Variants in RNF220 observed in about 807,000 individuals in gnomAD.
RNF220 encodes the protein E3 ubiquitin-protein ligase RNF220.
RNF220 carries 7 observed loss-of-function variants against 67.1 expected under a neutral mutation model. That is an observed-to-expected ratio of 0.10 (90% CI 0.06 to 0.20). The LOEUF (loss-of-function observed/expected upper bound fraction) is 0.20, where lower values mean the gene tolerates loss of function less well. Among genes scored for constraint, RNF220 ranks in the 10% least tolerant of loss-of-function variants. The pLI, the probability that RNF220 is intolerant of heterozygous loss-of-function variation, is 1.00. For synonymous variants in RNF220, 270 were observed against 283.2 expected (o/e 0.95, Z 0.47); for missense variants, 565 against 740.3 (o/e 0.76, Z 2.75).
intron 2 of RNF220, among the ~76,000 whole-genome samples, chr1:44,562,740 T>C (rs1379529336): frequency 1.3e-5 from 2 of 152,170 alleles, no homozygotes; most frequent in African/African-American, 4.8e-5. Flanking sequence ...TCGAGGGCTC[T>C]TTGGAAATTG....
Position 44,412,230 on chromosome 1 carries a change from C to T in RNF220, c.133C>T (p.Pro45Ser). The change falls in exon 2 of 15, where the codon CCA becomes TCA. Residue 45 changes from proline to serine, a missense_variant. Coordinates refer to ENST00000361799, the MANE Select transcript of RNF220 (RefSeq NM_018150.4). This position sits in a 1 kb window ranked among gnomAD's most constrained non-coding sequence, Gnocchi z 5.3. ...SRDASIPCQQ[P>S]RPFGVPVSVD... ...TGATGCTTCCATCCCTTGTCAGCAG[C>T]CACGACCCTTTGGTGTACCTGTCTC... 6.2e-7 allele frequency: 1 copy of T among 1,614,218 alleles called. No individual in the cohort carries two copies. Among genetic ancestry groups the T allele is most frequent in the East Asian group, 2.2e-5 (1 of 44,868 alleles).
rs546275192 is a variant in RNF220, at chr1:44,530,282, A to G, written c.626-83883A>G. Among the ~76,000 whole-genome samples, 346 of 152,312 alleles carry G rather than the reference A, an allele frequency of 2.3e-3. 4 individuals carry two copies. Among genetic ancestry groups the G allele is most frequent in the African/African-American group, 7.9e-3 (328 of 41,574 alleles). Reference sequence around the variant, plus strand: ...TATAATTGTGGTTATCTGAAATACCATGATGAACAACCTAAGTCTTTTGAC... The same window carrying G: ...TATAATTGTGGTTATCTGAAATACCGTGATGAACAACCTAAGTCTTTTGAC... On this transcript the variant is annotated intron_variant, in intron 2 of 14. Coordinates refer to ENST00000361799, the MANE Select transcript of RNF220 (RefSeq NM_018150.4).
At chr1:44,594,380 C>G (rs569121651) in intron 2 of RNF220, among the ~76,000 whole-genome samples, 1 of 152,300 alleles carries the variant, frequency 6.6e-6, no homozygotes, top group Non-Finnish European at 1.5e-5. Flanking sequence ...CCAGCCTTCC[C>G]CACGTCCCAG....
chr1:44,472,441 T>G (rs1251054527), intron 2 of RNF220, among the ~76,000 whole-genome samples: 1 of 152,236 alleles, frequency 6.6e-6, no homozygotes, highest in Non-Finnish European at 1.5e-5. Flanking sequence ...TCCTAGTGGG[T>G]GTAAAGCAAT....
intron 2 of RNF220, among the ~76,000 whole-genome samples, chr1:44,552,110 A>G (rs1294562148): frequency 6.6e-6 from 1 of 152,242 alleles, no homozygotes; most frequent in Non-Finnish European, 1.5e-5. Context: ...TATAAGCCTC[A>G]TCTAAGACTA....
At chr1:44,427,908 C>T (rs1349254391) in intron 2 of RNF220, among the ~76,000 whole-genome samples, 6 of 152,164 alleles carry the variant, frequency 3.9e-5, no homozygotes. Context: ...CCAGGCTCCT[C>T]CAACTCTTAC....
chr1:44,552,760 G>C (rs988089419), intron 2 of RNF220, among the ~76,000 whole-genome samples: 1 of 151,638 alleles, frequency 6.6e-6, no homozygotes, highest in African/African-American at 2.4e-5. Flanking sequence ...TAGTGGAGAC[G>C]GGGTTTCACC....
At chr1:44,630,139 T>A (rs1300505900) in intron 5 of RNF220, among the ~76,000 whole-genome samples, 1 of 152,224 alleles carries the variant, frequency 6.6e-6, no homozygotes, top group Non-Finnish European at 1.5e-5. Flanking sequence ...GGTCTCACTA[T>A]ATTGCCCAGG....
Position 44,614,169 on chromosome 1 carries a change from G to A in RNF220, c.630G>A (p.Lys210=). 6.2e-7 allele frequency: 1 copy of A among 1,614,206 alleles called. No homozygotes were observed. Among genetic ancestry groups the A allele is most frequent in the Non-Finnish European group, 8.5e-7 (1 of 1,180,030 alleles). ...CTGTTCTTCTCCCCTCACTAGGTAA[G>A]AAGAAAGCAGCGGCATTGTTCGACA... ...SSPEDRNDRC[K]KKAAALFDSQ... Residue 210 remains lysine (K), a synonymous_variant, in exon 3 of 15, where the codon AAG becomes AAA. Transcript: ENST00000361799.
intron 8 of RNF220, among the ~76,000 whole-genome samples, chr1:44,637,207 T>C (rs1038262879): frequency 2.0e-5 from 3 of 152,218 alleles, no homozygotes; most frequent in Admixed American, 2.0e-4. Context: ...GGCCGTCCAG[T>C]GCAGACTGGT....
At chr1:44,432,932 C>G (rs1297328954) in intron 2 of RNF220, among the ~76,000 whole-genome samples, 2 of 135,472 alleles carry the variant, frequency 1.5e-5, no homozygotes, top group African/African-American at 2.8e-5. Flanking sequence ...CTCTGTTGCT[C>G]AGTTTCAATT....
Position 44,565,316 on chromosome 1 carries a change from G to T in RNF220, c.626-48849G>T, listed in dbSNP as rs116433170. Among the ~76,000 whole-genome samples, 547 of 152,314 alleles carry T rather than the reference G, an allele frequency of 3.6e-3. 5 individuals carry two copies. Among genetic ancestry groups the T allele is most frequent in the African/African-American group, 0.012 (510 of 41,564 alleles). Reference sequence around the variant, plus strand: ...GAGGGAGGGAGGGAGGGAAGAAGGAGGCAGTGAGAGGTCAGAAAGGCAGAG... The same window carrying T: ...GAGGGAGGGAGGGAGGGAAGAAGGATGCAGTGAGAGGTCAGAAAGGCAGAG... On this transcript the variant is annotated intron_variant, in intron 2 of 14. Transcript: ENST00000361799. The surrounding 1 kb of genome is among the most constrained non-coding windows in gnomAD (Gnocchi z 4.2).
intron 2 of RNF220, among the ~76,000 whole-genome samples, chr1:44,494,495 C>A (rs963886075): frequency 1.3e-5 from 2 of 151,680 alleles, no homozygotes; most frequent in African/African-American, 4.8e-5. Flanking sequence ...AATTTTTTTG[C>A]ATGGTACAGG....
At chr1:44,648,248 TC>T (rs1644701921) in intron 12 of RNF220, 1 of 152,268 alleles carries the variant, frequency 6.6e-6, no homozygotes, top group South Asian at 2.1e-4. Flanking sequence ...AGCTACTTAA[TC>T]TTTCTGTGCT....
intron 2 of RNF220, among the ~76,000 whole-genome samples, chr1:44,431,463 G>A (rs1197707505): frequency 2.1e-5 from 3 of 145,456 alleles, no homozygotes; most frequent in Non-Finnish European, 4.5e-5. Context: ...CTGCACTCCA[G>A]CCTGGGCGAC....
Position 44,565,573 on chromosome 1 carries a change from C to T in RNF220, c.626-48592C>T, listed in dbSNP as rs1663938775. Among the ~76,000 whole-genome samples, 1 of 152,178 alleles carries T rather than the reference C, an allele frequency of 6.6e-6. No homozygotes were observed. The highest frequency in any genetic ancestry group is 1.5e-5 in the Non-Finnish European group (1 of 68,022). On this transcript the variant is annotated intron_variant, in intron 2 of 14. Coordinates refer to ENST00000361799, the MANE Select transcript of RNF220 (RefSeq NM_018150.4). The surrounding 1 kb of genome is among the most constrained non-coding windows in gnomAD (Gnocchi z 4.2). ...CAATTACCCCTTCCTTCTCCCTCAG[C>T]CCAGGCAAGGGGGAGGTTGCATGGA... is the stretch of plus-strand genomic sequence containing the variant.
intron 2 of RNF220, among the ~76,000 whole-genome samples, chr1:44,462,034 T>C (rs1041634103): frequency 6.6e-6 from 1 of 150,930 alleles, no homozygotes; most frequent in Non-Finnish European, 1.5e-5. Context: ...TTCAAGCGAT[T>C]CTCCTGCTTC....
chr1:44,568,978 A>G (rs1453068827), intron 2 of RNF220, among the ~76,000 whole-genome samples: 1 of 152,186 alleles, frequency 6.6e-6, no homozygotes, highest in Non-Finnish European at 1.5e-5. Flanking sequence ...GCAGTTTCTA[A>G]GCAGAAAAGT....
chr1:44,422,857 G>A (rs1244504697), intron 2 of RNF220, among the ~76,000 whole-genome samples: 1 of 152,224 alleles, frequency 6.6e-6, no homozygotes, highest in African/African-American at 2.4e-5. Flanking sequence ...TTAGCTGTTT[G>A]TTGGTGGCAG....
Sources: allele counts gnomAD v4.1 joint callset (sites outside exome capture counted in the v4.1 genomes callset), GRCh38; gene constraint gnomAD v4.1.1; non-coding constraint Gnocchi (gnomAD v3.1); transcripts MANE v1.5; gene names NCBI Gene and HGNC (gene_info 2026-07-23, HGNC 2026-07-21).